The following SAMD4A variants were observed in gnomAD, a reference collection of about 807,000 sequenced individuals.
The protein encoded by SAMD4A is protein Smaug homolog 1.
A neutral mutation model predicts 81.3 loss-of-function variants in SAMD4A; 33 were observed. That is an observed-to-expected ratio of 0.41 (90% CI 0.31 to 0.54). The LOEUF is 0.54. SAMD4A is among the 20% of genes least tolerant of loss of function. SAMD4A has a pLI of 0.37. For missense variants in SAMD4A, 854 were observed against 951.1 expected, an observed-to-expected ratio of 0.90 and a Z score of 1.34; for synonymous variants, 389 against 382.1, an observed-to-expected ratio of 1.02 and a Z score of -0.21.
rs2039212468 is a variant in SAMD4A, at chr14:54,789,016, G to A, written c.*72G>A. 6 of 1,538,690 alleles carry A rather than the reference G, an allele frequency of 3.9e-6. No individual in the cohort carries two copies. Among genetic ancestry groups the A allele is most frequent in the Non-Finnish European group, 5.4e-6 (6 of 1,111,664 alleles). On this transcript the variant is annotated 3_prime_UTR_variant, in exon 13 of 13. Transcript: ENST00000554335. Reference sequence around the variant, plus strand: ...CGGGTCCAGTGTCCGCCATCTTCAGGGTTGCACAGAATCCTCCAAGATACT... The same window carrying A: ...CGGGTCCAGTGTCCGCCATCTTCAGAGTTGCACAGAATCCTCCAAGATACT...
intron 4 of SAMD4A, among the ~76,000 whole-genome samples, chr14:54,746,482 G>A (rs1394652870): frequency 6.6e-6 from 1 of 152,154 alleles, no homozygotes; most frequent in Non-Finnish European, 1.5e-5. Flanking sequence ...AATGAATGAG[G>A]CCAGCTCTTC....
chr14:54,693,185 A>G (rs1481516999), intron 2 of SAMD4A: 1 of 152,150 alleles, frequency 6.6e-6, no homozygotes, highest in East Asian at 1.9e-4. Flanking sequence ...CCTCTTTTCC[A>G]TGTTCCTGTT....
chr14:54,649,853 G>A (rs2035365994), intron 2 of SAMD4A, among the ~76,000 whole-genome samples: 2 of 152,142 alleles, frequency 1.3e-5, no homozygotes, highest in Admixed American at 6.5e-5. Context: ...TTTTATAAAT[G>A]TGGGATTTCT....
intron 3 of SAMD4A, among the ~76,000 whole-genome samples, chr14:54,723,760 T>C (rs572882354): frequency 6.6e-6 from 1 of 152,332 alleles, no homozygotes; most frequent in East Asian, 1.9e-4. Context: ...TTATGAATGC[T>C]CTTTTTGGCA....
intron 2 of SAMD4A, among the ~76,000 whole-genome samples, chr14:54,664,810 AACACACACACACACACACACACACAC>A (rs140875623): frequency 7.1e-6 from 1 of 141,672 alleles, no homozygotes; most frequent in Non-Finnish European, 1.6e-5. Context: ...ATGTGAATCC[AACACACACACACACACACACACACAC>A]ACACACACAC....
Position 54,656,963 on chromosome 14 carries a change from AT to A in SAMD4A, c.197-45087del, listed in dbSNP as rs370540288. ...ATAGGGCAAAGAAACCACTGACATG[AT>A]TTTTTTTTTTTAATTTCTCCTCTCC... On this transcript the variant is annotated intron_variant, in intron 2 of 12. Coordinates refer to ENST00000554335, the MANE Select transcript of SAMD4A (RefSeq NM_015589.6). Among the ~76,000 whole-genome samples, 477 of 146,534 alleles carry A rather than the reference AT, an allele frequency of 3.3e-3. 1 individual carries two copies. Among genetic ancestry groups the A allele is most frequent in the African/African-American group, 7.6e-3 (307 of 40,298 alleles).
intron 12 of SAMD4A, among the ~76,000 whole-genome samples, chr14:54,788,005 A>T (rs1475286573): frequency 6.6e-6 from 1 of 152,132 alleles, no homozygotes; most frequent in Non-Finnish European, 1.5e-5. Flanking sequence ...TCTGATGGTC[A>T]TATCCCCTGC....
rs536358682 is a variant in SAMD4A at position 54,652,145 on chromosome 14, C to T, written c.197-49917C>T. ...TCTATCTACATCCACCTCACATAAC[C>T]ATCTAGAATTCTCCCAAAATCTTGT... On this transcript the variant is annotated intron_variant, in intron 2 of 12. Coordinates refer to ENST00000554335, the MANE Select transcript of SAMD4A (RefSeq NM_015589.6). 8.5e-4 allele frequency among the ~76,000 whole-genome samples: 129 copies of T among 152,342 alleles called. 1 individual carries two copies. Among genetic ancestry groups the T allele is most frequent in the African/African-American group, 2.9e-3 (122 of 41,582 alleles).
intron 2 of SAMD4A, among the ~76,000 whole-genome samples, chr14:54,615,818 C>T (rs897597854): frequency 6.6e-6 from 1 of 151,994 alleles, no homozygotes; most frequent in African/African-American, 2.4e-5. Flanking sequence ...AGTGAGAGCA[C>T]GGGCTCTAAA....
chr14:54,742,903 T>C (rs1039158166), intron 4 of SAMD4A, among the ~76,000 whole-genome samples: 2 of 152,254 alleles, frequency 1.3e-5, no homozygotes, highest in Non-Finnish European at 2.9e-5. Context: ...AAGGAGACTT[T>C]CGTTAGATGA....
intron 2 of SAMD4A, among the ~76,000 whole-genome samples, chr14:54,662,835 C>T (rs2035673777): frequency 6.6e-6 from 1 of 152,144 alleles, no homozygotes; most frequent in Non-Finnish European, 1.5e-5. Context: ...ACGGTCTGCA[C>T]ACCCCACGTT....
chr14:54,629,747 A>G (rs1378070255), intron 2 of SAMD4A, among the ~76,000 whole-genome samples: 1 of 152,160 alleles, frequency 6.6e-6, no homozygotes, highest in South Asian at 2.1e-4. Context: ...GTGCATTCAC[A>G]TTGTTATGCA....
chr14:54,595,860 CT>C (rs1335216957), intron 2 of SAMD4A, among the ~76,000 whole-genome samples: 1 of 152,068 alleles, frequency 6.6e-6, no homozygotes. Context: ...TAGTTTTTTG[CT>C]TTTCATTTTA....
intron 10 of SAMD4A, 149 bp downstream of exon 10, chr14:54,775,284 G>C: frequency 1.2e-6 from 1 of 827,598 alleles, no homozygotes; most frequent in South Asian, 1.7e-5. Context: ...TAACAGCATT[G>C]TTCGCGTTGT....
At chr14:54,784,284 A>G in intron 11 of SAMD4A, 1 of 1,375,000 alleles carries the variant, frequency 7.3e-7, no homozygotes, top group Non-Finnish European at 1.0e-6. Context: ...GGTTCTGAGC[A>G]GAGGAGGCAC....
chr14:54,606,932 T>C (rs1054989288), intron 2 of SAMD4A, among the ~76,000 whole-genome samples: 4 of 152,238 alleles, frequency 2.6e-5, no homozygotes, highest in Non-Finnish European at 5.9e-5. Flanking sequence ...TGGCTCTTGG[T>C]TGGTGAGGAG....
At chr14:54,670,806 T>C (rs1023480571) in intron 2 of SAMD4A, among the ~76,000 whole-genome samples, 1 of 152,220 alleles carries the variant, frequency 6.6e-6, no homozygotes, top group African/African-American at 2.4e-5. Flanking sequence ...GACATAGCTT[T>C]GACCTTCAAG....
chr14:54,736,855 C>T (rs1189510283), intron 3 of SAMD4A, among the ~76,000 whole-genome samples, 169 bp from the exon 4 acceptor site: 1 of 152,144 alleles, frequency 6.6e-6, no homozygotes, highest in Non-Finnish European at 1.5e-5. Flanking sequence ...TCCTTTTAAA[C>T]CACCTGAAGA....
intron 2 of SAMD4A, among the ~76,000 whole-genome samples, chr14:54,612,401 A>C (rs183804287): frequency 1.2e-4 from 19 of 152,200 alleles, no homozygotes; most frequent in Admixed American, 2.0e-4. Context: ...TTCCTGCTTG[A>C]TAGAGTTTGG....
Sources: gnomAD v4.1 joint callset for allele counts (sites outside exome capture counted in the v4.1 genomes callset) on GRCh38, gnomAD v4.1.1 for gene constraint, MANE v1.5 for transcripts, NCBI Gene and HGNC (gene_info 2026-07-23, HGNC 2026-07-21) for gene names.